Variants in METTL8 observed in about 807,000 individuals in gnomAD.
METTL8 encodes tRNA N(3)-cytidine methyltransferase METTL8, mitochondrial.
Under a neutral mutation model 48.7 loss-of-function variants are expected in METTL8, and 32 were observed. That is an observed-to-expected ratio of 0.66 (90% CI 0.50 to 0.88). The LOEUF is 0.88. Ranked by LOEUF, METTL8 falls within the 40% of genes least tolerant of loss-of-function variation. The pLI is 0.00. For missense variants in METTL8, 464 were observed against 474.4 expected (o/e 0.98, Z 0.20); for synonymous variants, 136 against 157.1 (o/e 0.87, Z 1.01).
intron 7 of METTL8, among the ~76,000 whole-genome samples, chr2:171,327,388 C>T (rs186607572): frequency 3.3e-5 from 5 of 152,292 alleles, no homozygotes; most frequent in African/African-American, 7.2e-5. Flanking sequence ...AAGCTCATTG[C>T]GAGTTACCGA....
Position 171,326,119 on chromosome 2 carries a change from T to C in METTL8, c.890A>G (p.Lys297Arg). 1 of 1,547,658 alleles carries C rather than the reference T, an allele frequency of 6.5e-7. No individual in the cohort carries two copies. Among genetic ancestry groups the C allele is most frequent in the Non-Finnish European group, 8.7e-7 (1 of 1,144,280 alleles). ...CAGCATTCCCCCAGGTTTCAGTAACTTGGACAGTCGGTTTACAACACCTTG... is the reference window on the plus strand; with the variant it reads ...CAGCATTCCCCCAGGTTTCAGTAACCTGGACAGTCGGTTTACAACACCTTG... ...RMQGVVNRLSKLLKPGGMLLF... is the reference protein window; with the variant it reads ...RMQGVVNRLSRLLKPGGMLLF... Residue 297 changes from lysine to arginine, a missense_variant, in exon 8 of 10, where the codon AAG becomes AGG. Lys to Arg is a conservative substitution (Grantham distance 26). Coordinates refer to ENST00000375258, the MANE Select transcript of METTL8 (RefSeq NM_001321154.2).
chr2:171,426,122 A>G (rs2105671512), intron 1 of METTL8, among the ~76,000 whole-genome samples: 1 of 152,294 alleles, frequency 6.6e-6, no homozygotes, highest in East Asian at 1.9e-4. Context: ...GAGCCACTGC[A>G]CTCCAGCCTG....
rs148842190 is a variant in METTL8 at position 171,318,435 on chromosome 2, T to A, written c.*5737A>T. 1.3e-5 allele frequency: 2 copies of A among 152,242 alleles called. No individual in the cohort carries two copies. The highest frequency in any genetic ancestry group is 2.9e-5 in the Non-Finnish European group (2 of 68,032). 9.4% of individuals were successfully genotyped at this position (152,242 alleles called of 1,614,324 possible). ...GAGCTGAATCCTTTTGAAGACATTT[T>A]AAGGGTTTTTTTTCCCCACTGCAGT... On this transcript the variant is annotated 3_prime_UTR_variant, in exon 10 of 10. Transcript: ENST00000375258.
chr2:171,378,509 G>A (rs999442990), intron 2 of METTL8, among the ~76,000 whole-genome samples: 1 of 152,256 alleles, frequency 6.6e-6, no homozygotes, highest in South Asian at 2.1e-4. Context: ...GCATGCGCCT[G>A]TAGTCCCAGC....
At chr2:171,366,888 CAAA>C (rs35179830) in intron 2 of METTL8, among the ~76,000 whole-genome samples, 2 of 61,008 alleles carry the variant, frequency 3.3e-5, no homozygotes, top group African/African-American at 5.9e-5. Context: ...GACCCTGTCT[CAAA>C]AAAAAAAAAA....
chr2:171,324,629 T>C (rs1684743006), intron 9 of METTL8, among the ~76,000 whole-genome samples: 1 of 152,360 alleles, frequency 6.6e-6, no homozygotes, highest in Middle Eastern at 3.4e-3. Context: ...CAGCTTTCAA[T>C]ATTTTGAAAG....
intron 1 of METTL8, among the ~76,000 whole-genome samples, chr2:171,423,746 G>A (rs563775402): frequency 1.3e-5 from 2 of 152,286 alleles, no homozygotes; most frequent in East Asian, 3.9e-4. Context: ...GAGCATAAAC[G>A]TTTGAAAAAT....
chr2:171,347,985 G>A (rs928485307), intron 3 of METTL8, among the ~76,000 whole-genome samples: 26 of 152,126 alleles, frequency 1.7e-4, no homozygotes, highest in Non-Finnish European at 1.5e-4. Flanking sequence ...CTGGCTCTAC[G>A]GAATAGCAAG....
chr2:171,386,751 C>G (rs1267733979), intron 2 of METTL8, among the ~76,000 whole-genome samples: 26 of 152,150 alleles, frequency 1.7e-4, no homozygotes, highest in Admixed American at 1.7e-3. Context: ...TAGGTGAGGA[C>G]AGGCATTTCC....
At chr2:171,332,097 G>A in intron 5 of METTL8, 1 of 403,450 alleles carries the variant, frequency 2.5e-6, no homozygotes, top group Admixed American at 3.5e-5. Flanking sequence ...TGTTGCCCAG[G>A]CTGGTCTTGA....
intron 2 of METTL8, among the ~76,000 whole-genome samples, chr2:171,386,155 G>C (rs540652446): frequency 6.6e-6 from 1 of 152,202 alleles, no homozygotes; most frequent in Non-Finnish European, 1.5e-5. Context: ...TCAGGCAAGA[G>C]AGCAGGTGGT....
intron 1 of METTL8, among the ~76,000 whole-genome samples, chr2:171,408,291 T>C (rs1000487938): frequency 1.4e-5 from 2 of 139,284 alleles, no homozygotes; most frequent in Non-Finnish European, 3.0e-5. Flanking sequence ...TTCTACAGTT[T>C]TTTTGTTTTT....
intron 3 of METTL8, among the ~76,000 whole-genome samples, chr2:171,347,276 C>A (rs1010904526): frequency 6.6e-6 from 1 of 152,198 alleles, no homozygotes; most frequent in Non-Finnish European, 1.5e-5. Context: ...CCCTCTCCTG[C>A]CTGCCTTTCC....
At chr2:171,343,611 A>G (rs1171133342) in intron 3 of METTL8, among the ~76,000 whole-genome samples, 1 of 152,196 alleles carries the variant, frequency 6.6e-6, no homozygotes, top group African/African-American at 2.4e-5. Context: ...AATCATTATT[A>G]GGTAGCTCTT....
intron 1 of METTL8, among the ~76,000 whole-genome samples, chr2:171,408,289 TTTTTTTG>T (rs1416589473): frequency 1.6e-4 from 22 of 138,798 alleles, no homozygotes; most frequent in African/African-American, 6.2e-4. Context: ...AATTCTACAG[TTTTTTTG>T]TTTTTTTTTT....
intron 2 of METTL8, among the ~76,000 whole-genome samples, chr2:171,369,656 T>C (rs1027612179): frequency 6.6e-6 from 1 of 151,990 alleles, no homozygotes; most frequent in Non-Finnish European, 1.5e-5. Flanking sequence ...AATTTAAGAG[T>C]GTAAAGGGGT....
chr2:171,370,204 G>A (rs1178558134), intron 2 of METTL8, among the ~76,000 whole-genome samples: 2 of 152,264 alleles, frequency 1.3e-5, no homozygotes, highest in Admixed American at 6.5e-5. Flanking sequence ...TGGACTAGGT[G>A]TTATCTTAAG....
chr2:171,407,873 T>C (rs1183069139), intron 1 of METTL8, among the ~76,000 whole-genome samples: 1 of 152,210 alleles, frequency 6.6e-6, no homozygotes, highest in Non-Finnish European at 1.5e-5. Context: ...TACAGCACAC[T>C]GTAAAAAGAT....
rs895943009 is a variant in METTL8, at chr2:171,330,755, T to A, written c.721-57A>T. On this transcript the variant is annotated intron_variant, in intron 6 of 9. Coordinates refer to ENST00000375258, the MANE Select transcript of METTL8 (RefSeq NM_001321154.2). ...AGGACTTAGTAGACTTCCGGGATTT[T>A]TTTTTTTTTAAATAAAAAGGTCAAA... The A allele has an allele frequency of 2.9e-5, 42 of 1,454,254 alleles. No homozygotes were observed. The East Asian group carries it at 9.3e-4, about 32-fold the overall frequency. The allele number at this position is 1,454,254 out of a possible 1,614,324, so 90.1% of individuals were successfully genotyped here. A position where few individuals can be genotyped will look rare whatever the true frequency, so the allele number is the denominator to read the frequency against.
Sources: gnomAD v4.1 joint callset for allele counts (sites outside exome capture counted in the v4.1 genomes callset) on GRCh38, gnomAD v4.1.1 for gene constraint, MANE v1.5 for transcripts, NCBI Gene and HGNC (gene_info 2026-07-23, HGNC 2026-07-21) for gene names.